RPRD1A: variants seen among roughly 807,000 people sequenced by gnomAD.
RPRD1A encodes regulation of nuclear pre-mRNA domain containing 1A, also known as regulation of nuclear pre-mRNA domain-containing protein 1A.
A neutral mutation model predicts 37.8 loss-of-function variants in RPRD1A; 9 were observed. That is an observed-to-expected ratio of 0.24 (90% CI 0.14 to 0.42). RPRD1A has a LOEUF of 0.42. Ranked by LOEUF, RPRD1A falls within the 10% of genes least tolerant of loss-of-function variation. RPRD1A has a pLI of 1.00. For synonymous variants in RPRD1A, 138 were observed against 139.7 expected (o/e 0.99, Z 0.08); for missense variants, 255 against 371.0 (o/e 0.69, Z 2.57).
chr18:36,066,294 A>G (rs2089029697), intron 1 of RPRD1A, among the ~76,000 whole-genome samples: 1 of 152,260 alleles, frequency 6.6e-6, no homozygotes, highest in Non-Finnish European at 1.5e-5. Context: ...TTACGTACAT[A>G]CATCATATAG....
At chr18:36,016,124 C>A (rs1437605291) in intron 6 of RPRD1A, among the ~76,000 whole-genome samples, 3 of 152,174 alleles carry the variant, frequency 2.0e-5, no homozygotes, top group Non-Finnish European at 4.4e-5. Flanking sequence ...ATACTTATTA[C>A]CAAACTGTCC....
chr18:36,030,747 A>T, intron 4 of RPRD1A, 61 bp downstream of exon 4: 2 of 1,012,774 alleles, frequency 2.0e-6, no homozygotes, highest in Non-Finnish European at 3.0e-6. Context: ...CGAAATTAAT[A>T]AAGCTTGGTG....
At position 35,993,584 on chromosome 18, in the gene RPRD1A, T is replaced by G. The variant is rs550142819; in HGVS notation, c.790-284A>C. ...GACATATAAGATGTTCAGGTATTCTTGAGTTTGGGCAAGAAAAATTACATA... is the reference window on the plus strand; with the variant it reads ...GACATATAAGATGTTCAGGTATTCTGGAGTTTGGGCAAGAAAAATTACATA... On this transcript the variant is annotated intron_variant, in intron 6 of 6. Transcript: ENST00000399022. Among the ~76,000 whole-genome samples, 5 of 152,344 alleles carry G rather than the reference T, an allele frequency of 3.3e-5. No individual in the cohort carries two copies. The South Asian group carries it at 1.0e-3, about 32-fold the overall frequency.
chr18:36,033,383 T>C (rs547468058), intron 2 of RPRD1A, among the ~76,000 whole-genome samples: 2 of 150,764 alleles, frequency 1.3e-5, no homozygotes, highest in East Asian at 2.0e-4. Context: ...GATAGCTTTA[T>C]AAACACACAA....
intron 1 of RPRD1A, among the ~76,000 whole-genome samples, chr18:36,043,062 T>C (rs769935243): frequency 6.6e-6 from 1 of 151,850 alleles, no homozygotes; most frequent in Non-Finnish European, 1.5e-5. Flanking sequence ...ATCTACACAA[T>C]ATTCTGCAGC....
At chr18:36,026,858 G>T (rs752754584) in intron 6 of RPRD1A, 42 bp downstream of exon 6, 1 of 1,533,730 alleles carries the variant, frequency 6.5e-7, no homozygotes, top group Non-Finnish European at 8.8e-7. Flanking sequence ...AACAAAAAGA[G>T]AATTAAATAA....
intron 1 of RPRD1A, among the ~76,000 whole-genome samples, chr18:36,061,300 C>T (rs1366371529): frequency 6.6e-6 from 1 of 152,172 alleles, no homozygotes; most frequent in East Asian, 1.9e-4. Flanking sequence ...GTTTTCTTTA[C>T]CATTGTAATA....
intron 1 of RPRD1A, among the ~76,000 whole-genome samples, chr18:36,053,387 A>C (rs1913536468): frequency 6.6e-6 from 1 of 152,114 alleles, no homozygotes; most frequent in African/African-American, 2.4e-5. Context: ...CCTATTCTAG[A>C]TATTTCATAT....
At chr18:36,007,698 G>C (rs1248653696) in intron 6 of RPRD1A, among the ~76,000 whole-genome samples, 1 of 152,112 alleles carries the variant, frequency 6.6e-6, no homozygotes, top group Non-Finnish European at 1.5e-5. Context: ...CCAGCACTTT[G>C]GGAGGCTGAG....
At chr18:36,016,791 T>C (rs944451868) in intron 6 of RPRD1A, among the ~76,000 whole-genome samples, 6 of 152,286 alleles carry the variant, frequency 3.9e-5, no homozygotes, top group African/African-American at 7.2e-5. Context: ...ACTACTTCCA[T>C]AGAACAATGT....
intron 6 of RPRD1A, among the ~76,000 whole-genome samples, chr18:36,017,765 G>A (rs936478624): frequency 6.6e-6 from 1 of 152,152 alleles, no homozygotes; most frequent in African/African-American, 2.4e-5. Flanking sequence ...GGCACAAAGG[G>A]CAATAGAGTG....
At chr18:36,048,444 G>A (rs986843538) in intron 1 of RPRD1A, among the ~76,000 whole-genome samples, 9 of 152,084 alleles carry the variant, frequency 5.9e-5, no homozygotes, top group African/African-American at 1.9e-4. Flanking sequence ...ACAGATAAGT[G>A]TAATTTATTC....
chr18:36,046,632 G>T (rs1598652391), intron 1 of RPRD1A, among the ~76,000 whole-genome samples: 3 of 151,572 alleles, frequency 2.0e-5, no homozygotes, highest in East Asian at 3.9e-4. Flanking sequence ...GGAGTTCAAG[G>T]CCAGCCCGGG....
intron 1 of RPRD1A, among the ~76,000 whole-genome samples, chr18:36,049,473 T>A (rs1913215144): frequency 6.6e-6 from 1 of 152,128 alleles, no homozygotes; most frequent in Non-Finnish European, 1.5e-5. Context: ...TCTTGCTGCA[T>A]AAGGAAGAAA....
chr18:36,000,327 T>C (rs1555669674), intron 6 of RPRD1A, among the ~76,000 whole-genome samples: 2 of 151,006 alleles, frequency 1.3e-5, no homozygotes, highest in Non-Finnish European at 1.5e-5. Context: ...GGAGCTGTCA[T>C]TTTTTCCCCC....
intron 6 of RPRD1A, among the ~76,000 whole-genome samples, chr18:36,001,831 C>A (rs75866694): frequency 1.3e-5 from 2 of 152,188 alleles, no homozygotes; most frequent in Non-Finnish European, 2.9e-5. Context: ...TATTCGACCT[C>A]TTTTTGACCA....
chr18:36,030,751 C>T, intron 4 of RPRD1A, 57 bp downstream of exon 4: 1 of 1,038,338 alleles, frequency 9.6e-7, no homozygotes, highest in Non-Finnish European at 1.5e-6. Flanking sequence ...ATTAATAAAG[C>T]TTGGTGGCAA....
At chr18:36,049,723 T>G (rs889271515) in intron 1 of RPRD1A, among the ~76,000 whole-genome samples, 19 of 152,220 alleles carry the variant, frequency 1.2e-4, no homozygotes, top group Admixed American at 9.8e-4. Context: ...TGTTGGACAC[T>G]TGGGTTGCTT....
At chr18:36,008,589 A>ATATATATATATATATATATATC (rs71381561) in intron 6 of RPRD1A, among the ~76,000 whole-genome samples, 9,326 of 90,368 alleles carry the variant, frequency 0.1, 1,674 homozygotes, top group Non-Finnish European at 0.14. Flanking sequence ...ATATATATAT[A>ATATATATATATATATATATATC]TCTTTAAAAA....
Sources: allele counts gnomAD v4.1 joint callset (sites outside exome capture counted in the v4.1 genomes callset), GRCh38; gene constraint gnomAD v4.1.1; transcripts MANE v1.5; gene names NCBI Gene and HGNC (gene_info 2026-07-23, HGNC 2026-07-21).